MEI4: variants seen among roughly 807,000 people sequenced by gnomAD.
MEI4 encodes meiosis-specific protein MEI4.
MEI4 carries 27 observed loss-of-function variants against 31.4 expected under a neutral mutation model. The observed-to-expected ratio is 0.86, with a 90% CI of 0.63 to 1.19. MEI4 has a LOEUF of 1.19. Ranked by LOEUF, MEI4 falls within the 50% of genes most tolerant of loss-of-function variation. The pLI is 0.00. For synonymous variants in MEI4, 122 were observed against 145.4 expected (o/e 0.84, Z 1.16); for missense variants, 329 against 398.9 (o/e 0.82, Z 1.49).
intron 1 of MEI4, among the ~76,000 whole-genome samples, chr6:77,669,242 T>C (rs995730682): frequency 2.0e-5 from 3 of 152,194 alleles, no homozygotes; most frequent in Non-Finnish European, 4.4e-5. Flanking sequence ...TGTGCGTACA[T>C]ACACATGTAC....
chr6:77,735,963 G>T (rs931008880), intron 2 of MEI4, among the ~76,000 whole-genome samples: 1 of 152,004 alleles, frequency 6.6e-6, no homozygotes, highest in Non-Finnish European at 1.5e-5. Flanking sequence ...AGGGGTCAGG[G>T]ACCCACTTGA....
intron 4 of MEI4, among the ~76,000 whole-genome samples, chr6:77,875,801 T>G (rs1463985564): frequency 2.6e-5 from 4 of 152,210 alleles, no homozygotes; most frequent in Non-Finnish European, 5.9e-5. Context: ...GAGAGATGCA[T>G]ATACCCTTTA....
At chr6:77,733,203 T>C (rs895873126) in intron 2 of MEI4, among the ~76,000 whole-genome samples, 2 of 151,954 alleles carry the variant, frequency 1.3e-5, no homozygotes, top group Non-Finnish European at 2.9e-5. Context: ...GAAGGAATGG[T>C]ACCAGCTCCT....
At chr6:77,724,682 T>C (rs1444386593) in intron 2 of MEI4, among the ~76,000 whole-genome samples, 2 of 149,192 alleles carry the variant, frequency 1.3e-5, no homozygotes, top group East Asian at 4.0e-4. Context: ...GCTTTTGAGG[T>C]TGTAATGTTA....
chr6:77,905,943 CT>C (rs1169254328), intron 4 of MEI4, among the ~76,000 whole-genome samples: 3 of 151,528 alleles, frequency 2.0e-5, no homozygotes, highest in Non-Finnish European at 4.4e-5. Context: ...AATAACTTGT[CT>C]CTAAATCTTT....
At chr6:77,819,545 C>T (rs1769767479) in intron 3 of MEI4, among the ~76,000 whole-genome samples, 1 of 152,096 alleles carries the variant, frequency 6.6e-6, no homozygotes. Flanking sequence ...TAACTAACAT[C>T]CCTAAGTGAT....
At chr6:77,873,638 GT>G (rs1771256112) in intron 4 of MEI4, among the ~76,000 whole-genome samples, 1 of 152,180 alleles carries the variant, frequency 6.6e-6, no homozygotes. Flanking sequence ...TTTGGCTTTT[GT>G]TGCCATTGCT....
chr6:77,698,591 T>A (rs1039174691), intron 2 of MEI4, among the ~76,000 whole-genome samples: 1 of 152,230 alleles, frequency 6.6e-6, no homozygotes, highest in African/African-American at 2.4e-5. Context: ...TGTTGAATAT[T>A]GGCCCCCACT....
intron 4 of MEI4, among the ~76,000 whole-genome samples, chr6:77,845,647 T>A (rs1770464630): frequency 6.6e-6 from 1 of 152,180 alleles, no homozygotes; most frequent in Non-Finnish European, 1.5e-5. Context: ...TCACATATAT[T>A]GTCTTTGTTT....
At chr6:77,770,379 C>T (rs142421185) in intron 3 of MEI4, among the ~76,000 whole-genome samples, 214 of 152,056 alleles carry the variant, frequency 1.4e-3, no homozygotes, top group African/African-American at 4.5e-3. Context: ...ATGACACAAA[C>T]AAATGGAAAA....
chr6:77,757,485 T>C (rs1171844666), intron 2 of MEI4, among the ~76,000 whole-genome samples: 3 of 152,208 alleles, frequency 2.0e-5, no homozygotes, highest in African/African-American at 7.2e-5. Flanking sequence ...CATACATTGG[T>C]AGAGGTACTC....
At chr6:77,848,658 T>A (rs553734023) in intron 4 of MEI4, among the ~76,000 whole-genome samples, 1 of 152,088 alleles carries the variant, frequency 6.6e-6, no homozygotes, top group Non-Finnish European at 1.5e-5. Context: ...CCCAGCTAGA[T>A]TGCCAACCTC....
intron 4 of MEI4, among the ~76,000 whole-genome samples, chr6:77,865,407 A>T (rs1330000102): frequency 6.6e-6 from 1 of 152,196 alleles, no homozygotes; most frequent in African/African-American, 2.4e-5. Context: ...ATCACCGGCA[A>T]TCCCACAGAA....
intron 2 of MEI4, among the ~76,000 whole-genome samples, chr6:77,735,008 T>G (rs1447944729): frequency 6.6e-6 from 1 of 152,096 alleles, no homozygotes; most frequent in Non-Finnish European, 1.5e-5. Flanking sequence ...AGATCCGCTG[T>G]TAGTCTGATG....
intron 3 of MEI4, among the ~76,000 whole-genome samples, chr6:77,801,304 T>C (rs984471068): frequency 2.0e-5 from 3 of 152,222 alleles, no homozygotes; most frequent in Non-Finnish European, 2.9e-5. Flanking sequence ...TTTTCTCTGA[T>C]GGTAGTTTGT....
intron 2 of MEI4, among the ~76,000 whole-genome samples, chr6:77,744,313 G>C (rs1246007981): frequency 6.6e-6 from 1 of 151,710 alleles, no homozygotes; most frequent in African/African-American, 2.4e-5. Flanking sequence ...CGAGAACTAC[G>C]TGAAGAATGC....
At chr6:77,762,865 C>T (rs1001026933) in intron 3 of MEI4, among the ~76,000 whole-genome samples, 2 of 152,072 alleles carry the variant, frequency 1.3e-5, no homozygotes, top group African/African-American at 4.8e-5. Flanking sequence ...TCAGATTTGC[C>T]ATAGTTGTAT....
chr6:77,681,536 A>G (rs753735760), intron 1 of MEI4, among the ~76,000 whole-genome samples: 16 of 152,200 alleles, frequency 1.1e-4, no homozygotes, highest in Non-Finnish European at 2.2e-4. Flanking sequence ...CCATGTGTAC[A>G]TGTCTCTAAA....
chr6:77,868,119 A>G (rs1771094497), intron 4 of MEI4, among the ~76,000 whole-genome samples: 1 of 151,948 alleles, frequency 6.6e-6, no homozygotes, highest in South Asian at 2.1e-4. Flanking sequence ...CCTAATTTTA[A>G]ATGACGAATT....
Sources: gnomAD v4.1 joint callset for allele counts (sites outside exome capture counted in the v4.1 genomes callset) on GRCh38, gnomAD v4.1.1 for gene constraint, MANE v1.5 for transcripts, NCBI Gene and HGNC (gene_info 2026-07-23, HGNC 2026-07-21) for gene names.